MAD1L1: variants seen among roughly 807,000 people sequenced by gnomAD.
The protein encoded by MAD1L1 is mitotic spindle assembly checkpoint protein MAD1.
MAD1L1 carries 95 observed loss-of-function variants against 96.9 expected under a neutral mutation model. That is an observed-to-expected ratio of 0.98 (90% CI 0.83 to 1.16). The LOEUF (loss-of-function observed/expected upper bound fraction) is 1.16. MAD1L1 is among the 50% of genes most tolerant of loss of function. The pLI is 0.00. For missense variants in MAD1L1, 1,007 were observed against 954.4 expected (o/e 1.06, Z -0.73); for synonymous variants, 473 against 396.6 (o/e 1.19, Z -2.29).
intron 18 of MAD1L1, among the ~76,000 whole-genome samples, chr7:1,857,716 G>A (rs1057309234): frequency 1.3e-5 from 2 of 152,232 alleles, no homozygotes; most frequent in Non-Finnish European, 2.9e-5. Flanking sequence ...GGCAAGGCCA[G>A]GGCTCACCAG....
At chr7:2,008,585 G>C (rs13227554) in intron 13 of MAD1L1, among the ~76,000 whole-genome samples, 85,534 of 152,156 alleles carry the variant, frequency 0.56, 24,463 homozygotes, top group Middle Eastern at 0.72. Flanking sequence ...GGCCCGGGGT[G>C]GGGGCTGGGC....
chr7:1,853,992 G>A (rs916218866), intron 18 of MAD1L1, among the ~76,000 whole-genome samples: 1 of 152,206 alleles, frequency 6.6e-6, no homozygotes, highest in Non-Finnish European at 1.5e-5. Context: ...AGCTCCCGGC[G>A]CCATTCTCAT....
chr7:2,187,438 G>A (rs1478057974), intron 10 of MAD1L1, among the ~76,000 whole-genome samples: 9 of 152,164 alleles, frequency 5.9e-5, no homozygotes, highest in Non-Finnish European at 1.3e-4. Flanking sequence ...CAAAAGCACT[G>A]ATGGGTATAA....
intron 10 of MAD1L1, among the ~76,000 whole-genome samples, chr7:2,211,149 G>A (rs774766464): frequency 3.3e-5 from 5 of 152,138 alleles, no homozygotes; most frequent in Non-Finnish European, 7.3e-5. Context: ...AGCTGGTGGT[G>A]GGCACAGGCA....
chr7:1,846,195 C>A (rs545360706), intron 18 of MAD1L1: 4 of 152,716 alleles, frequency 2.6e-5, no homozygotes, highest in Admixed American at 1.3e-4. Context: ...CCCTGCTGCC[C>A]TTCCCGCAGG....
At chr7:1,954,581 C>T (rs546225324) in intron 16 of MAD1L1, among the ~76,000 whole-genome samples, 3 of 152,282 alleles carry the variant, frequency 2.0e-5, no homozygotes, top group African/African-American at 7.2e-5. Context: ...CTGACTCCTG[C>T]GGCTGCACCA....
intron 12 of MAD1L1, among the ~76,000 whole-genome samples, chr7:2,048,148 C>G (rs1266414603): frequency 6.6e-6 from 1 of 152,216 alleles, no homozygotes; most frequent in African/African-American, 2.4e-5. Context: ...GCACACTGAG[C>G]ACCGACACGG....
intron 12 of MAD1L1, among the ~76,000 whole-genome samples, chr7:2,022,328 T>C (rs897217985): frequency 3.3e-5 from 5 of 152,204 alleles, no homozygotes; most frequent in African/African-American, 1.2e-4. Flanking sequence ...TCATGCTAAA[T>C]GTATGCTGCA....
intron 12 of MAD1L1, among the ~76,000 whole-genome samples, chr7:2,052,327 C>G (rs557446076): frequency 4.5e-4 from 68 of 152,344 alleles, no homozygotes; most frequent in African/African-American, 1.6e-3. Flanking sequence ...CCAGGCCTGC[C>G]GCCACCACAG....
At chr7:2,212,149 G>A (rs1409792302) in intron 10 of MAD1L1, among the ~76,000 whole-genome samples, 1 of 152,228 alleles carries the variant, frequency 6.6e-6, no homozygotes, top group Non-Finnish European at 1.5e-5. Flanking sequence ...GGCTGCTGGA[G>A]AAAGATGAGC....
At chr7:2,005,080 AC>A (rs1781972224) in intron 13 of MAD1L1, among the ~76,000 whole-genome samples, 2 of 152,168 alleles carry the variant, frequency 1.3e-5, no homozygotes, top group Non-Finnish European at 2.9e-5. Flanking sequence ...CAGGAGGACG[AC>A]CGCACGTCAG....
chr7:1,871,169 C>T lies in MAD1L1; in HGVS notation c.1998+27031G>A, dbSNP rs116559065. The stretch of plus-strand genomic sequence containing the variant: ...ACGCTGAACCGACCATAACACCTGC[C>T]GCGCTGAACCCAACATACGCCTGCC... On this transcript the variant is annotated intron_variant, in intron 18 of 18. Transcript: ENST00000265854. Among the ~76,000 whole-genome samples the T allele has an allele frequency of 3.0e-3, 436 of 144,024 alleles. 4 individuals are homozygous for T. The highest frequency in any genetic ancestry group is 0.011 in the African/African-American group (410 of 37,960). 94.5% of individuals were successfully genotyped at this position (144,024 alleles called of 152,430 possible).
chr7:2,094,189 C>A (rs1202500721), intron 11 of MAD1L1, among the ~76,000 whole-genome samples: 3 of 152,206 alleles, frequency 2.0e-5, no homozygotes, highest in African/African-American at 7.2e-5. Flanking sequence ...ACAGCCCTCC[C>A]AGGAGGCTGA....
chr7:1,887,972 C>T (rs1404677815), intron 18 of MAD1L1, among the ~76,000 whole-genome samples: 1 of 60,038 alleles, frequency 1.7e-5, no homozygotes, highest in African/African-American at 9.1e-5. Context: ...GCTGCCTATG[C>T]ATGTGTGTGT....
intron 11 of MAD1L1, among the ~76,000 whole-genome samples, chr7:2,118,176 G>A (rs1209236340): frequency 3.9e-5 from 6 of 152,228 alleles, no homozygotes; most frequent in Non-Finnish European, 8.8e-5. Context: ...GCCGGACGCT[G>A]TGCTGCCAGG....
At chr7:2,174,162 G>A (rs763087647) in intron 10 of MAD1L1, among the ~76,000 whole-genome samples, 1 of 152,176 alleles carries the variant, frequency 6.6e-6, no homozygotes, top group Non-Finnish European at 1.5e-5. Context: ...TCTCCATTGT[G>A]CCTTTAGTCT....
In MAD1L1 at chr7:1,832,632, G is replaced by T. The variant is rs1220053936; in HGVS notation, c.1999-16404C>A. 4.5e-4 allele frequency among the ~76,000 whole-genome samples: 8 copies of T among 17,804 alleles called. 1 individual carries two copies. The highest frequency in any genetic ancestry group is 1.0e-3 in the African/African-American group (4 of 3,994). 11.7% of individuals were successfully genotyped at this position (17,804 alleles called of 152,430 possible). ...TCATTGCTGTGTTTTTTTTTTTTTGGCGGGGGGGGGGGGGGTGGGGATGGA... is the reference window on the plus strand; with the variant it reads ...TCATTGCTGTGTTTTTTTTTTTTTGTCGGGGGGGGGGGGGGTGGGGATGGA... On this transcript the variant is annotated intron_variant, in intron 18 of 18. Transcript: ENST00000265854.
intron 10 of MAD1L1, among the ~76,000 whole-genome samples, chr7:2,192,252 T>C (rs1791761865): frequency 6.6e-6 from 1 of 151,794 alleles, no homozygotes; most frequent in Admixed American, 6.6e-5. Flanking sequence ...TGCCTCAGCC[T>C]CCCAAGTCAT....
chr7:2,135,116 G>C (rs545974995), intron 11 of MAD1L1, among the ~76,000 whole-genome samples: 1 of 152,208 alleles, frequency 6.6e-6, no homozygotes, highest in East Asian at 1.9e-4. Flanking sequence ...GACTAGCCAC[G>C]AAAGGTGTGA....
Sources: gnomAD v4.1 joint callset for allele counts (sites outside exome capture counted in the v4.1 genomes callset) on GRCh38, gnomAD v4.1.1 for gene constraint, MANE v1.5 for transcripts, NCBI Gene and HGNC (gene_info 2026-07-23, HGNC 2026-07-21) for gene names.